The following ADIPOR2 variants were observed in gnomAD, a reference collection of about 807,000 sequenced individuals.
ADIPOR2 encodes the protein adiponectin receptor protein 2.
ADIPOR2 carries 18 observed loss-of-function variants against 40.9 expected under a neutral mutation model. The observed-to-expected ratio is 0.44, with a 90% CI of 0.30 to 0.65. ADIPOR2 has a LOEUF of 0.65. ADIPOR2 is among the 30% of genes least tolerant of loss of function. The pLI is 0.09. For missense variants in ADIPOR2, 283 were observed against 479.2 expected (o/e 0.59, Z 3.82); for synonymous variants, 165 against 166.4 (o/e 0.99, Z 0.06).
chr12:1,729,991 C>CTAT (rs1343177552), intron 1 of ADIPOR2, among the ~76,000 whole-genome samples: 1 of 151,746 alleles, frequency 6.6e-6, no homozygotes, highest in African/African-American at 2.4e-5. Flanking sequence ...GAAGGCATAC[C>CTAT]GGAAGGGAAC....
chr12:1,722,203 T>A (rs1237099125), intron 1 of ADIPOR2, among the ~76,000 whole-genome samples: 1 of 152,152 alleles, frequency 6.6e-6, no homozygotes, highest in Admixed American at 6.5e-5. Context: ...ATTTGGGCTG[T>A]GTTTTGAAGA....
At chr12:1,762,396 A>G (rs1362086470) in intron 2 of ADIPOR2, among the ~76,000 whole-genome samples, 2 of 152,152 alleles carry the variant, frequency 1.3e-5, no homozygotes, top group Non-Finnish European at 2.9e-5. Context: ...ATGGTGTAAG[A>G]ATCTTGCCTT....
chr12:1,714,173 A>G (rs1028442876), intron 1 of ADIPOR2, among the ~76,000 whole-genome samples: 1 of 152,084 alleles, frequency 6.6e-6, no homozygotes, highest in African/African-American at 2.4e-5. Flanking sequence ...AACCAAATTG[A>G]TAACAAGCCT....
At chr12:1,697,134 T>A (rs1487565516) in intron 1 of ADIPOR2, 1 of 152,262 alleles carries the variant, frequency 6.6e-6, no homozygotes, top group Non-Finnish European at 1.5e-5. Context: ...ATGAGCATCA[T>A]GTTAACTCAA....
intron 3 of ADIPOR2, among the ~76,000 whole-genome samples, chr12:1,777,360 C>T (rs1862615866): frequency 1.3e-5 from 2 of 148,636 alleles, no homozygotes; most frequent in Admixed American, 6.7e-5. Context: ...AAGGCCCCCA[C>T]TTAAAAGTAT....
At chr12:1,749,431 AT>A (rs2094764115) in intron 1 of ADIPOR2, among the ~76,000 whole-genome samples, 2 of 152,248 alleles carry the variant, frequency 1.3e-5, no homozygotes, top group Non-Finnish European at 2.9e-5. Context: ...CAACATTATA[AT>A]GAAAGACTGG....
chr12:1,786,251 A>G lies in ADIPOR2; in HGVS notation c.*179A>G, dbSNP rs898642293. On this transcript the variant is annotated 3_prime_UTR_variant, in exon 8 of 8. Transcript: ENST00000357103. ...ACTGAGAAGAGAAAAACAAAAATAA[A>G]TCATACCTCAAAGGATGGAGTGCAT... is the stretch of plus-strand genomic sequence containing the variant. The G allele has an allele frequency of 5.4e-5, 38 of 699,130 alleles. No homozygotes were observed. The African/African-American group carries it at 6.7e-4, about 12-fold the overall frequency. 43.3% of individuals were successfully genotyped at this position (699,130 alleles called of 1,614,324 possible). A position where few individuals can be genotyped will look rare whatever the true frequency, so the allele number is the denominator to read the frequency against.
chr12:1,748,280 T>A (rs138289316), intron 1 of ADIPOR2, among the ~76,000 whole-genome samples: 14 of 152,108 alleles, frequency 9.2e-5, no homozygotes, highest in South Asian at 2.1e-4. Context: ...ACGGAGTCTC[T>A]CTCTGTCGCC....
chr12:1,752,716 G>A (rs763096212), intron 1 of ADIPOR2, among the ~76,000 whole-genome samples: 3 of 152,158 alleles, frequency 2.0e-5, no homozygotes, highest in Non-Finnish European at 4.4e-5. Context: ...ATGCTGTGAA[G>A]TACCACATGT....
chr12:1,695,796 A>T (rs1341592185), intron 1 of ADIPOR2: 1 of 151,954 alleles, frequency 6.6e-6, no homozygotes, highest in Non-Finnish European at 1.5e-5. Flanking sequence ...GATTAATGAC[A>T]ATTTATTTTG....
At chr12:1,714,095 G>A (rs143113487) in intron 1 of ADIPOR2, among the ~76,000 whole-genome samples, 1 of 152,148 alleles carries the variant, frequency 6.6e-6, no homozygotes, top group Non-Finnish European at 1.5e-5. Flanking sequence ...GATTGCCTTG[G>A]CATAGTGGAC....
At chr12:1,742,778 T>A (rs2094745806) in intron 1 of ADIPOR2, among the ~76,000 whole-genome samples, 1 of 152,226 alleles carries the variant, frequency 6.6e-6, no homozygotes, top group South Asian at 2.1e-4. Flanking sequence ...GATGTAATTT[T>A]AAAAATCTGG....
chr12:1,778,150 C>T, intron 4 of ADIPOR2, 125 bp downstream of exon 4: 1 of 1,137,570 alleles, frequency 8.8e-7, no homozygotes, highest in Non-Finnish European at 1.2e-6. Context: ...TTCTGAATTT[C>T]TAATGATGAA....
chr12:1,754,570 A>T, intron 2 of ADIPOR2, 56 bp downstream of exon 2: 1 of 1,519,254 alleles, frequency 6.6e-7, no homozygotes, highest in Non-Finnish European at 8.9e-7. Context: ...GAAGTGGCAG[A>T]GGGAGGATAT....
At chr12:1,721,284 C>T (rs563231346) in intron 1 of ADIPOR2, among the ~76,000 whole-genome samples, 18 of 129,140 alleles carry the variant, frequency 1.4e-4, no homozygotes, top group East Asian at 9.5e-4. Context: ...GGCACGATCT[C>T]GGCTCACTGC....
At chr12:1,766,414 CTGGGGCCT>C (rs1346204745) in intron 2 of ADIPOR2, among the ~76,000 whole-genome samples, 1 of 152,126 alleles carries the variant, frequency 6.6e-6, no homozygotes, top group Non-Finnish European at 1.5e-5. Flanking sequence ...GACAAGACAC[CTGGGGCCT>C]GAAATCTAGG....
chr12:1,699,915 C>A (rs1478082488), intron 1 of ADIPOR2, among the ~76,000 whole-genome samples: 1 of 152,002 alleles, frequency 6.6e-6, no homozygotes, highest in Non-Finnish European at 1.5e-5. Context: ...ATATGTTGGC[C>A]AATGATATTA....
At chr12:1,703,718 C>T (rs761253830) in intron 1 of ADIPOR2, among the ~76,000 whole-genome samples, 5 of 149,902 alleles carry the variant, frequency 3.3e-5, no homozygotes, top group Non-Finnish European at 3.0e-5. Context: ...CTCTGTCTCA[C>T]GAATAAATAA....
chr12:1,759,160 T>C (rs1201327566), intron 2 of ADIPOR2, among the ~76,000 whole-genome samples: 1 of 152,240 alleles, frequency 6.6e-6, no homozygotes, highest in Non-Finnish European at 1.5e-5. Context: ...CCTCGTTTTC[T>C]GTTAGGCCAG....
Sources: gnomAD v4.1 joint callset for allele counts (sites outside exome capture counted in the v4.1 genomes callset) on GRCh38, gnomAD v4.1.1 for gene constraint, MANE v1.5 for transcripts, NCBI Gene and HGNC (gene_info 2026-07-23, HGNC 2026-07-21) for gene names.